The following MECOM variants were observed in gnomAD, a reference collection of about 807,000 sequenced individuals.
MECOM encodes the protein MDS1 and EVI1 complex locus.
MECOM carries 13 observed loss-of-function variants against 116.3 expected under a neutral mutation model. That is an observed-to-expected ratio of 0.11 (90% confidence interval 0.07 to 0.18). The LOEUF is 0.18. Among genes scored for constraint, MECOM ranks in the 10% least tolerant of loss-of-function variants. MECOM has a pLI of 1.00. For missense variants in MECOM, 1,299 were observed against 1,509.0 expected, an observed-to-expected ratio of 0.86 and a Z score of 2.31; for synonymous variants, 528 against 535.2, an observed-to-expected ratio of 0.99 and a Z score of 0.19.
intron 1 of MECOM, among the ~76,000 whole-genome samples, chr3:169,412,229 T>G (rs1404301560): frequency 1.4e-5 from 2 of 147,170 alleles, no homozygotes; most frequent in African/African-American, 5.1e-5. Context: ...GAGGTTGCAG[T>G]GAGCCAAGAT....
intron 14 of MECOM, among the ~76,000 whole-genome samples, chr3:169,090,721 A>G (rs530078298): frequency 6.6e-6 from 1 of 152,010 alleles, no homozygotes; most frequent in East Asian, 1.9e-4. Flanking sequence ...TTACCAAGAA[A>G]CAACTGGTAT....
At position 169,090,004 on chromosome 3, in the gene MECOM, C is replaced by T. The variant is rs749026364; in HGVS notation, c.3397G>A (p.Val1133Met). ...AAAGTCACCCAAGGTACTCACCTCA[C>T]TGGGGATGTCTTGCAACTCATCTCC... ...ALEMSCKTSP[V>M]RYKEEEYKSG... The change falls in exon 15 of 17, where the codon GTG becomes ATG. Residue 1133 changes from valine to methionine, a missense_variant. By Grantham distance (21) the Val-to-Met change is conservative. Transcript: ENST00000651503. 1.7e-5 allele frequency: 27 copies of T among 1,612,772 alleles called. No individual in the cohort carries two copies. The highest frequency in any genetic ancestry group is 2.2e-5 in the Non-Finnish European group (26 of 1,179,346).
chr3:169,099,473 T>C (rs1722847217), intron 12 of MECOM, among the ~76,000 whole-genome samples: 1 of 152,172 alleles, frequency 6.6e-6, no homozygotes, highest in African/African-American at 2.4e-5. Context: ...TGGAAATATA[T>C]CACTTATAAT....
intron 2 of MECOM, among the ~76,000 whole-genome samples, chr3:169,358,719 A>G (rs914546786): frequency 3.3e-5 from 5 of 151,688 alleles, no homozygotes; most frequent in Non-Finnish European, 7.4e-5. Flanking sequence ...AACAGGTACT[A>G]TTTAATGCAT....
intron 2 of MECOM, among the ~76,000 whole-genome samples, chr3:169,336,782 T>A (rs1723643542): frequency 1.3e-5 from 2 of 152,134 alleles, no homozygotes; most frequent in South Asian, 2.1e-4. Flanking sequence ...AATCAAGCAT[T>A]ACCACTAGAA....
intron 1 of MECOM, among the ~76,000 whole-genome samples, chr3:169,522,333 G>A (rs1311215376): frequency 6.6e-6 from 1 of 152,194 alleles, no homozygotes; most frequent in Non-Finnish European, 1.5e-5. Flanking sequence ...GGTCAGCTGC[G>A]GGTGGAGGCA....
chr3:169,151,268 GCACTGTAACA>G (rs1356272494), intron 2 of MECOM, among the ~76,000 whole-genome samples: 1 of 152,170 alleles, frequency 6.6e-6, no homozygotes, highest in Non-Finnish European at 1.5e-5. Context: ...TGGACAAACA[GCACTGTAACA>G]CTCTGCAGAG....
chr3:169,517,474 A>G (rs1476120389), intron 1 of MECOM, among the ~76,000 whole-genome samples: 1 of 152,210 alleles, frequency 6.6e-6, no homozygotes, highest in Non-Finnish European at 1.5e-5. Context: ...AAGGGGAAAA[A>G]AGATATTGCT....
At chr3:169,323,489 G>A (rs976319502) in intron 2 of MECOM, among the ~76,000 whole-genome samples, 2 of 152,206 alleles carry the variant, frequency 1.3e-5, no homozygotes, top group African/African-American at 2.4e-5. Context: ...GAGAGAGGCA[G>A]ACAGACAGGC....
At chr3:169,567,267 C>T (rs1368261072) in intron 1 of MECOM, among the ~76,000 whole-genome samples, 1 of 152,196 alleles carries the variant, frequency 6.6e-6, no homozygotes, top group Non-Finnish European at 1.5e-5. Flanking sequence ...AGGATAAGAA[C>T]CTTAGAATAA....
intron 2 of MECOM, among the ~76,000 whole-genome samples, chr3:169,323,908 C>T (rs1208612605): frequency 2.0e-5 from 3 of 152,124 alleles, no homozygotes; most frequent in African/African-American, 7.2e-5. Flanking sequence ...CTTTCCCATG[C>T]AGAGGAAAAA....
intron 10 of MECOM, among the ~76,000 whole-genome samples, chr3:169,103,956 A>G (rs1486473754): frequency 9.2e-5 from 14 of 152,268 alleles, no homozygotes; most frequent in Admixed American, 8.5e-4. Flanking sequence ...TGCAACGTAC[A>G]GGGTACTACT....
intron 1 of MECOM, among the ~76,000 whole-genome samples, chr3:169,526,095 T>C (rs1757939689): frequency 1.3e-5 from 2 of 151,674 alleles, no homozygotes; most frequent in Admixed American, 6.6e-5. Context: ...CAAAAACAAA[T>C]GCACTGGAGG....
chr3:169,474,439 A>G (rs1188665683), intron 1 of MECOM, among the ~76,000 whole-genome samples: 1 of 152,182 alleles, frequency 6.6e-6, no homozygotes, highest in East Asian at 1.9e-4. Context: ...TTGAAAATGG[A>G]ATGTCAACAG....
At chr3:169,441,462 C>T (rs1170205068) in intron 1 of MECOM, among the ~76,000 whole-genome samples, 1 of 152,014 alleles carries the variant, frequency 6.6e-6, no homozygotes, top group Non-Finnish European at 1.5e-5. Flanking sequence ...GTCCTTTTCA[C>T]CAAACCCAAG....
intron 10 of MECOM, among the ~76,000 whole-genome samples, chr3:169,105,662 C>G (rs941812571): frequency 6.6e-6 from 1 of 151,836 alleles, no homozygotes; most frequent in African/African-American, 2.4e-5. Context: ...ATGTCATAGG[C>G]TAATCTAAGA....
At chr3:169,129,252 G>A (rs1733899674) in intron 4 of MECOM, among the ~76,000 whole-genome samples, 1 of 152,040 alleles carries the variant, frequency 6.6e-6, no homozygotes, top group Non-Finnish European at 1.5e-5. Flanking sequence ...AGGTAGAGCT[G>A]TAGTAAAGTA....
chr3:169,300,823 C>A (rs908728631), intron 2 of MECOM, among the ~76,000 whole-genome samples: 1 of 152,182 alleles, frequency 6.6e-6, no homozygotes, highest in African/African-American at 2.4e-5. Context: ...AACCATTACC[C>A]CATTAAATCA....
At chr3:169,614,114 C>CT (rs34798812) in intron 1 of MECOM, among the ~76,000 whole-genome samples, 81,148 of 138,086 alleles carry the variant, frequency 0.59, 23,012 homozygotes, top group Non-Finnish European at 0.61. Context: ...TTTCTTTTTT[C>CT]TTTTTTTTTT....
Sources: gnomAD v4.1 joint callset for allele counts (sites outside exome capture counted in the v4.1 genomes callset) on GRCh38, gnomAD v4.1.1 for gene constraint, MANE v1.5 for transcripts, NCBI Gene and HGNC (gene_info 2026-07-23, HGNC 2026-07-21) for gene names.